The following TBC1D12 variants were observed in gnomAD, a reference collection of about 807,000 sequenced individuals.
TBC1D12 encodes TBC1 domain family member 12, also known as TBC1 domain family, member 12.
TBC1D12 carries 56 observed loss-of-function variants against 86.7 expected under a neutral mutation model. The observed-to-expected ratio is 0.65, with a 90% CI of 0.52 to 0.81. The LOEUF (loss-of-function observed/expected upper bound fraction) is 0.81, where lower values mean the gene tolerates loss of function less well. Ranked by LOEUF, TBC1D12 falls within the 30% of genes least tolerant of loss-of-function variation. The probability of loss-of-function intolerance (pLI) is 0.00; values close to 1 mark genes in which losing one functional copy is unlikely to be tolerated. For missense variants in TBC1D12, 1,023 were observed against 1,038.8 expected (o/e 0.98, Z 0.21); for synonymous variants, 421 against 411.7 (o/e 1.02, Z -0.27).
intron 11 of TBC1D12, among the ~76,000 whole-genome samples, chr10:94,527,814 T>C (rs1220709414): frequency 6.6e-6 from 1 of 152,138 alleles, no homozygotes; most frequent in African/African-American, 2.4e-5. Context: ...CCCAGCACCA[T>C]TTATTGAAGA....
Position 94,474,743 on chromosome 10 carries a change from C to G in TBC1D12, c.1171C>G (p.Pro391Ala). The stretch of plus-strand genomic sequence containing the variant: ...AAGACGCAAGAATTTTGAATTTGAG[C>G]CGCTTTCTACCACTGCCTTGATTCT... ...SSRRKNFEFE[P>A]LSTTALILED... The change falls in exon 3 of 13, where the codon CCG becomes GCG. Residue 391 changes from proline (P) to alanine (A), a missense_variant. By Grantham distance (27) the Pro-to-Ala change is conservative. This residue lies in a region of TBC1D12 where 395 missense variants were observed against 507.7 expected (regional missense o/e 0.78). Transcript: ENST00000225235. The G allele has an allele frequency of 6.2e-7, 1 of 1,614,068 alleles. No homozygotes were observed. The highest frequency in any genetic ancestry group is 1.1e-5 in the South Asian group (1 of 91,082).
At chr10:94,501,825 G>A (rs1191218679) in intron 6 of TBC1D12, among the ~76,000 whole-genome samples, 2 of 151,966 alleles carry the variant, frequency 1.3e-5, no homozygotes, top group Admixed American at 1.3e-4. Flanking sequence ...TGGGATTACA[G>A]GTGTAAGCCA....
intron 11 of TBC1D12, among the ~76,000 whole-genome samples, chr10:94,523,705 G>A (rs1181949305): frequency 1.3e-5 from 2 of 152,180 alleles, no homozygotes; most frequent in Non-Finnish European, 2.9e-5. Flanking sequence ...GCTGACGCCT[G>A]TAGTCCCAGC....
chr10:94,458,568 T>C (rs1292039282), intron 2 of TBC1D12, among the ~76,000 whole-genome samples: 1 of 152,106 alleles, frequency 6.6e-6, no homozygotes, highest in Non-Finnish European at 1.5e-5. Context: ...TCTCGCTGAG[T>C]TCAAGAATGA....
intron 2 of TBC1D12, among the ~76,000 whole-genome samples, chr10:94,448,384 T>C (rs1043994950): frequency 6.6e-6 from 1 of 152,250 alleles, no homozygotes; most frequent in African/African-American, 2.4e-5. Flanking sequence ...AATATAGATA[T>C]TCTTGCTGTA....
intron 3 of TBC1D12, among the ~76,000 whole-genome samples, chr10:94,477,959 A>G (rs2056017320): frequency 6.6e-6 from 1 of 152,208 alleles, no homozygotes; most frequent in Non-Finnish European, 1.5e-5. Flanking sequence ...AACTGTGCCC[A>G]GCAAATCATT....
intron 9 of TBC1D12, among the ~76,000 whole-genome samples, chr10:94,517,607 A>G (rs1842033270): frequency 6.6e-6 from 1 of 152,208 alleles, no homozygotes; most frequent in African/African-American, 2.4e-5. Flanking sequence ...AGTGACCACC[A>G]TATAACTTAA....
chr10:94,523,230 T>C (rs1026087222), intron 11 of TBC1D12, among the ~76,000 whole-genome samples: 4 of 143,334 alleles, frequency 2.8e-5, no homozygotes, highest in African/African-American at 1.0e-4. Flanking sequence ...GCATAGACTC[T>C]GGGTTGAAAT....
intron 2 of TBC1D12, among the ~76,000 whole-genome samples, chr10:94,458,688 G>A (rs547880877): frequency 4.6e-5 from 7 of 152,202 alleles, no homozygotes; most frequent in East Asian, 1.9e-4. Flanking sequence ...GTGGGTTCGC[G>A]GTCTCGCTGG....
In TBC1D12 at chr10:94,500,092, ATACT is replaced by A. The variant is rs1202582821; in HGVS notation, c.1413-126_1413-123del. On this transcript the variant is annotated intron_variant, in intron 5 of 12. Transcript: ENST00000225235. ...GAACGCAAAGAAAAGAATGCATTACATACTTAATTCTCTATAGTCCTAAAAATGA... is the reference window on the plus strand; with the variant it reads ...GAACGCAAAGAAAAGAATGCATTACATAATTCTCTATAGTCCTAAAAATGA... The A allele has an allele frequency of 5.2e-6, 4 of 770,962 alleles. No individual in the cohort carries two copies. The Admixed American group carries it at 9.4e-5, about 18-fold the overall frequency. 47.8% of individuals were successfully genotyped at this position (770,962 alleles called of 1,614,324 possible).
rs1239810772 is a variant in TBC1D12 at position 94,474,870 on chromosome 10, A to G, written c.1211+87A>G. 4 of 1,179,444 alleles carry G rather than the reference A, an allele frequency of 3.4e-6. No homozygotes were observed. In the Admixed American group the frequency reaches 8.9e-5, roughly 26 times the overall value. The allele number at this position is 1,179,444 out of a possible 1,614,324, so 73.1% of individuals were successfully genotyped here. On this transcript the variant is annotated intron_variant, in intron 3 of 12. Transcript: ENST00000225235. ...TCACTATTTTAAAAGATAGCGAGAA[A>G]GATATTGAGAAAGGATTTAATTTTT...
chr10:94,460,395 A>G (rs2860760), intron 2 of TBC1D12, among the ~76,000 whole-genome samples: 57,126 of 151,866 alleles, frequency 0.38, 11,186 homozygotes, highest in East Asian at 0.7. Flanking sequence ...ACAGAATTCT[A>G]GGTTTGCAAT....
At chr10:94,479,729 G>C (rs1283813565) in intron 3 of TBC1D12, among the ~76,000 whole-genome samples, 2 of 152,154 alleles carry the variant, frequency 1.3e-5, no homozygotes, top group Non-Finnish European at 2.9e-5. Context: ...AATGTGGTTG[G>C]AGTTTGTGAT....
intron 3 of TBC1D12, among the ~76,000 whole-genome samples, chr10:94,482,985 C>T (rs1465767460): frequency 6.6e-6 from 1 of 151,670 alleles, no homozygotes; most frequent in East Asian, 1.9e-4. Context: ...GGCTCTCATT[C>T]CTTTTTGTGG....
rs533472852 is a variant in TBC1D12 at position 94,525,755 on chromosome 10, G to A, written c.2000+3302G>A. Among the ~76,000 whole-genome samples, 3 of 150,902 alleles carry A rather than the reference G, an allele frequency of 2.0e-5. No individual in the cohort carries two copies. The East Asian group carries it at 5.8e-4, about 29-fold the overall frequency. On this transcript the variant is annotated intron_variant, in intron 11 of 12. Transcript: ENST00000225235. ...TCTAAAAGTTAATTTCTTAAGCTAT[G>A]TGGTTTAATGGAATTAAGATTTCTT...
chr10:94,420,361 G>A (rs1412180475), intron 1 of TBC1D12, among the ~76,000 whole-genome samples: 2 of 152,180 alleles, frequency 1.3e-5, no homozygotes, highest in African/African-American at 2.4e-5. Flanking sequence ...CTACCAAGTC[G>A]ATGATATTTT....
At chr10:94,528,695 A>G (rs1264355899) in intron 11 of TBC1D12, among the ~76,000 whole-genome samples, 1 of 151,818 alleles carries the variant, frequency 6.6e-6, no homozygotes, top group Non-Finnish European at 1.5e-5. Flanking sequence ...GGTGGCAGGC[A>G]CCTGTAATCC....
chr10:94,449,336 C>T (rs56309155), intron 2 of TBC1D12, among the ~76,000 whole-genome samples: 3,433 of 152,162 alleles, frequency 0.023, 124 homozygotes, highest in African/African-American at 0.074. Context: ...AAGTTTACTA[C>T]GGTACTCTTA....
chr10:94,520,617 T>C (rs986254569), intron 9 of TBC1D12, among the ~76,000 whole-genome samples: 1 of 151,842 alleles, frequency 6.6e-6, no homozygotes, highest in Non-Finnish European at 1.5e-5. Flanking sequence ...AGGCATCCCT[T>C]TCAAAACACT....
Sources: gnomAD v4.1 joint callset for allele counts (sites outside exome capture counted in the v4.1 genomes callset) on GRCh38, gnomAD v4.1.1 for gene constraint, gnomAD v4.1.1 regional missense constraint, MANE v1.5 for transcripts, NCBI Gene and HGNC (gene_info 2026-07-23, HGNC 2026-07-21) for gene names.